The following DLG2 variants were observed in gnomAD, a reference collection of about 807,000 sequenced individuals.
The protein encoded by DLG2 is disks large homolog 2.
DLG2 carries 45 observed loss-of-function variants against 132.5 expected under a neutral mutation model. The ratio of observed to expected loss-of-function variants is 0.34; its 90% confidence interval spans 0.27 to 0.44. The LOEUF is 0.44. Ranked by LOEUF, DLG2 falls within the 20% of genes least tolerant of loss-of-function variation. DLG2 has a pLI of 1.00. For synonymous variants in DLG2, 424 were observed against 419.6 expected, an observed-to-expected ratio of 1.01 and a Z score of -0.13; for missense variants, 1,045 against 1,196.9, an observed-to-expected ratio of 0.87 and a Z score of 1.87.
At chr11:83,507,758 TTATA>T (rs59086507) in intron 21 of DLG2, among the ~76,000 whole-genome samples, 1,692 of 99,692 alleles carry the variant, frequency 0.017, 17 homozygotes, top group African/African-American at 0.03. Flanking sequence ...TATATTTTTA[TTATA>T]TATATATATA....
chr11:84,294,436 A>G (rs1484934647), intron 7 of DLG2, among the ~76,000 whole-genome samples: 1 of 152,100 alleles, frequency 6.6e-6, no homozygotes, highest in Non-Finnish European at 1.5e-5. Flanking sequence ...CATCTCTACT[A>G]AAAATACAAA....
chr11:84,938,623 A>C (rs2049022765), intron 6 of DLG2, among the ~76,000 whole-genome samples: 1 of 152,208 alleles, frequency 6.6e-6, no homozygotes, highest in Non-Finnish European at 1.5e-5. Context: ...ACCAGAATGC[A>C]ATTAGAATTA....
intron 3 of DLG2, among the ~76,000 whole-genome samples, chr11:85,408,108 C>T (rs927221947): frequency 3.3e-5 from 5 of 150,400 alleles, no homozygotes; most frequent in African/African-American, 1.2e-4. Context: ...TTTCTGGGCA[C>T]CTTTTTATCT....
chr11:85,453,080 G>A lies in DLG2; in HGVS notation c.40+145577C>T, dbSNP rs529113154. 4 of 200,162 alleles carry A rather than the reference G, an allele frequency of 2.0e-5. No homozygotes were observed. In the South Asian group the frequency reaches 4.3e-4, roughly 22 times the overall value. 12.4% of individuals were successfully genotyped at this position (200,162 alleles called of 1,614,324 possible). Reference sequence around the variant, plus strand: ...CAAAGAAAAGAGAGGAGCACTTTTTGTCTTGCTACTAAAAAAACAATTAAC... The same window carrying A: ...CAAAGAAAAGAGAGGAGCACTTTTTATCTTGCTACTAAAAAAACAATTAAC... On this transcript the variant is annotated intron_variant, in intron 3 of 27. Transcript: ENST00000376104.
intron 3 of DLG2, among the ~76,000 whole-genome samples, chr11:85,332,990 G>A (rs951313092): frequency 1.3e-5 from 2 of 152,242 alleles, no homozygotes; most frequent in African/African-American, 2.4e-5. Context: ...TTTGAAAAAT[G>A]TCATTGCTAG....
intron 19 of DLG2, among the ~76,000 whole-genome samples, chr11:83,592,610 A>C (rs1261366424): frequency 1.3e-5 from 2 of 151,908 alleles, no homozygotes; most frequent in Non-Finnish European, 2.9e-5. Context: ...AAAACACCAA[A>C]AGCAATGGCA....
intron 3 of DLG2, among the ~76,000 whole-genome samples, chr11:85,576,144 T>C (rs1007182557): frequency 2.0e-5 from 3 of 152,174 alleles, no homozygotes; most frequent in Non-Finnish European, 2.9e-5. Context: ...AGTCATACTA[T>C]TAAAAGAGAT....
intron 15 of DLG2, among the ~76,000 whole-genome samples, chr11:83,885,522 C>G (rs1354691603): frequency 1.3e-5 from 2 of 152,220 alleles, no homozygotes; most frequent in African/African-American, 2.4e-5. Context: ...GGAAAACACT[C>G]TACAGGATAT....
At chr11:83,589,419 A>C (rs1465185823) in intron 19 of DLG2, among the ~76,000 whole-genome samples, 24 of 150,778 alleles carry the variant, frequency 1.6e-4, no homozygotes, top group East Asian at 9.8e-4. Context: ...GAAATAAAAT[A>C]CTTTACAGAC....
At chr11:84,438,122 G>A (rs550528024) in intron 7 of DLG2, among the ~76,000 whole-genome samples, 1 of 152,254 alleles carries the variant, frequency 6.6e-6, no homozygotes, top group Non-Finnish European at 1.5e-5. Flanking sequence ...GACTATCAGG[G>A]CTGTTAGGGT....
At chr11:84,116,055 C>T (rs1003848401) in intron 9 of DLG2, among the ~76,000 whole-genome samples, 1 of 152,192 alleles carries the variant, frequency 6.6e-6, no homozygotes, top group African/African-American at 2.4e-5. Flanking sequence ...TTCATTCCTG[C>T]TATGAGCTCA....
intron 6 of DLG2, among the ~76,000 whole-genome samples, chr11:84,665,599 C>T (rs954923006): frequency 3.3e-5 from 5 of 152,102 alleles, no homozygotes; most frequent in South Asian, 2.1e-4. Flanking sequence ...TTCTGTGAGT[C>T]TAATTGCTTC....
At chr11:83,717,929 C>A (rs978858315) in intron 18 of DLG2, among the ~76,000 whole-genome samples, 2 of 152,124 alleles carry the variant, frequency 1.3e-5, no homozygotes, top group African/African-American at 4.8e-5. Context: ...GACTTACAAA[C>A]GATGATACTC....
At chr11:85,033,545 C>T (rs541124151) in intron 6 of DLG2, among the ~76,000 whole-genome samples, 1 of 152,234 alleles carries the variant, frequency 6.6e-6, no homozygotes, top group South Asian at 2.1e-4. Context: ...AATAGTATTG[C>T]TTGTATTTTT....
chr11:83,481,204 A>G (rs1034846496), intron 22 of DLG2, among the ~76,000 whole-genome samples: 3 of 152,116 alleles, frequency 2.0e-5, no homozygotes, highest in African/African-American at 7.2e-5. Flanking sequence ...TTGCACAGCA[A>G]TACTCCAAAT....
intron 7 of DLG2, among the ~76,000 whole-genome samples, chr11:84,393,719 T>G (rs2098801035): frequency 6.6e-6 from 1 of 152,186 alleles, no homozygotes; most frequent in African/African-American, 2.4e-5. Flanking sequence ...AGATGACTTT[T>G]TAAAATTATA....
intron 6 of DLG2, among the ~76,000 whole-genome samples, chr11:84,570,070 CA>C (rs1555048724): frequency 6.6e-6 from 1 of 151,798 alleles, no homozygotes; most frequent in Non-Finnish European, 1.5e-5. Context: ...AACTAATAAC[CA>C]AAAAAATAAC....
At chr11:84,180,499 G>A (rs1337490066) in intron 8 of DLG2, among the ~76,000 whole-genome samples, 1 of 151,960 alleles carries the variant, frequency 6.6e-6, no homozygotes, top group African/African-American at 2.4e-5. Flanking sequence ...CCAAATTAAT[G>A]TCAGACAACA....
intron 6 of DLG2, among the ~76,000 whole-genome samples, chr11:84,733,655 G>C (rs981636135): frequency 2.9e-4 from 44 of 152,224 alleles, no homozygotes; most frequent in African/African-American, 1.0e-3. Context: ...AATCCCATTT[G>C]TCAATTTTGG....
Sources: gnomAD v4.1 joint callset for allele counts (sites outside exome capture counted in the v4.1 genomes callset) on GRCh38, gnomAD v4.1.1 for gene constraint, MANE v1.5 for transcripts, NCBI Gene and HGNC (gene_info 2026-07-23, HGNC 2026-07-21) for gene names.